The following ARHGAP35 variants were observed in gnomAD, a reference collection of about 807,000 sequenced individuals.
The protein encoded by ARHGAP35 is Rho GTPase activating protein 35, also known as rho GTPase-activating protein 35.
Under a neutral mutation model 111.1 loss-of-function variants are expected in ARHGAP35, and 15 were observed. The observed-to-expected ratio is 0.13, with a 90% CI of 0.09 to 0.21. The LOEUF (loss-of-function observed/expected upper bound fraction) is 0.21. Ranked by LOEUF, ARHGAP35 falls within the 10% of genes least tolerant of loss-of-function variation. The pLI is 1.00. For missense variants in ARHGAP35, 1,262 were observed against 1,873.0 expected (o/e 0.67, Z 6.02); for synonymous variants, 643 against 710.3 (o/e 0.91, Z 1.51).
intron 3 of ARHGAP35, among the ~76,000 whole-genome samples, chr19:46,987,227 T>C (rs1002651883): frequency 3.8e-4 from 56 of 146,838 alleles, no homozygotes; most frequent in South Asian, 6.6e-4. Flanking sequence ...TCTTTTTTTT[T>C]TTTTTTTTTG....
At chr19:46,913,538 A>G (rs2122184796) in intron 1 of ARHGAP35, among the ~76,000 whole-genome samples, 1 of 152,236 alleles carries the variant, frequency 6.6e-6, no homozygotes, top group South Asian at 2.1e-4. Flanking sequence ...AATCACAAAC[A>G]ACTCTAGATG....
chr19:46,963,246 G>A (rs2056495095), intron 3 of ARHGAP35, among the ~76,000 whole-genome samples: 1 of 152,056 alleles, frequency 6.6e-6, no homozygotes, highest in African/African-American at 2.4e-5. Flanking sequence ...CACTTCCTGT[G>A]GTCAAAAACT....
At chr19:46,927,244 C>G (rs548934006) in intron 2 of ARHGAP35, among the ~76,000 whole-genome samples, 49 of 152,296 alleles carry the variant, frequency 3.2e-4, no homozygotes, top group African/African-American at 1.2e-3. Context: ...TTGTTTTATG[C>G]CCAGCATTGT....
intron 1 of ARHGAP35, among the ~76,000 whole-genome samples, chr19:46,864,988 G>A (rs1003072122): frequency 6.6e-6 from 1 of 152,198 alleles, no homozygotes; most frequent in South Asian, 2.1e-4. Context: ...AAAAGCCTAA[G>A]TTTACATAAT....
intron 2 of ARHGAP35, among the ~76,000 whole-genome samples, chr19:46,923,685 G>A (rs2056220615): frequency 6.6e-6 from 1 of 151,726 alleles, no homozygotes; most frequent in Admixed American, 6.6e-5. Context: ...TTTGGAGGCC[G>A]AGGCGGGTGG....
intron 1 of ARHGAP35, among the ~76,000 whole-genome samples, chr19:46,880,721 G>A (rs375315566): frequency 2.0e-5 from 3 of 151,798 alleles, no homozygotes; most frequent in East Asian, 1.9e-4. Flanking sequence ...CTGTCACCCA[G>A]GCTGGAATGC....
At chr19:46,910,067 G>A (rs535665572) in intron 1 of ARHGAP35, among the ~76,000 whole-genome samples, 1 of 152,296 alleles carries the variant, frequency 6.6e-6, no homozygotes, top group East Asian at 1.9e-4. Flanking sequence ...TGTTGGGTGA[G>A]TAGTTAAGGT....
At chr19:46,872,656 G>A (rs1384050595) in intron 1 of ARHGAP35, among the ~76,000 whole-genome samples, 1 of 151,950 alleles carries the variant, frequency 6.6e-6, no homozygotes, top group Non-Finnish European at 1.5e-5. Context: ...CGAGGCGGGC[G>A]GATCACAAGG....
At chr19:46,889,750 CAAAAA>C (rs5828291) in intron 1 of ARHGAP35, among the ~76,000 whole-genome samples, 3 of 85,238 alleles carry the variant, frequency 3.5e-5, no homozygotes, top group African/African-American at 9.6e-5. Flanking sequence ...GACTCCGTCT[CAAAAA>C]AAAAAAAAAA....
intron 3 of ARHGAP35, among the ~76,000 whole-genome samples, chr19:46,941,290 T>G (rs1306289748): frequency 1.3e-5 from 2 of 152,138 alleles, no homozygotes; most frequent in Admixed American, 6.5e-5. Context: ...CTACTCCTAA[T>G]AGCACTTTGA....
chr19:46,936,599 T>C (rs1279432071), intron 2 of ARHGAP35, among the ~76,000 whole-genome samples: 2 of 152,286 alleles, frequency 1.3e-5, no homozygotes, highest in East Asian at 3.9e-4. Context: ...CTATTATCCT[T>C]GTAGGGTGTT....
intron 3 of ARHGAP35, among the ~76,000 whole-genome samples, chr19:46,962,915 C>A (rs2056493114): frequency 6.6e-6 from 1 of 152,072 alleles, no homozygotes; most frequent in Non-Finnish European, 1.5e-5. Flanking sequence ...CCGGCCTCAA[C>A]CTCTCATTCT....
chr19:46,915,247 C>G (rs952632147), intron 1 of ARHGAP35, among the ~76,000 whole-genome samples: 1 of 152,134 alleles, frequency 6.6e-6, no homozygotes, highest in African/African-American at 2.4e-5. Flanking sequence ...GTAGAGGATG[C>G]GAAAGGTTTG....
chr19:46,999,114 G>A lies in ARHGAP35; in HGVS notation c.4037-190G>A. On this transcript the variant is annotated intron_variant, in intron 5 of 6. Transcript: ENST00000672722. This position sits in a 1 kb window ranked among gnomAD's most constrained non-coding sequence, Gnocchi z 5.4. ...AGCGGGGGCCTGGGACACAGAGGTG[G>A]GCCAGACCCCTGGGCCAGTGCCACT... is the stretch of plus-strand genomic sequence containing the variant. 1 of 586,076 alleles carries A rather than the reference G, an allele frequency of 1.7e-6. No individual in the cohort carries two copies. Among genetic ancestry groups the A allele is most frequent in the Non-Finnish European group, 3.0e-6 (1 of 329,614 alleles). 36.3% of individuals were successfully genotyped at this position (586,076 alleles called of 1,614,324 possible).
At chr19:46,996,480 C>T (rs1028420978) in intron 5 of ARHGAP35, among the ~76,000 whole-genome samples, 2 of 152,048 alleles carry the variant, frequency 1.3e-5, no homozygotes, top group African/African-American at 2.4e-5. Flanking sequence ...CAAAACCACC[C>T]GCCTTGCTAC....
chr19:46,941,274 A>G (rs1368838823), intron 3 of ARHGAP35, among the ~76,000 whole-genome samples: 1 of 152,120 alleles, frequency 6.6e-6, no homozygotes, highest in Non-Finnish European at 1.5e-5. Context: ...ATTCTTCAAG[A>G]GACTCCTACT....
intron 3 of ARHGAP35, among the ~76,000 whole-genome samples, chr19:46,946,177 C>A (rs1383848468): frequency 6.6e-6 from 1 of 152,242 alleles, no homozygotes; most frequent in Non-Finnish European, 1.5e-5. Flanking sequence ...CTTTCTGTTC[C>A]ATACATGTTT....
At chr19:46,923,620 C>A (rs1168651827) in intron 2 of ARHGAP35, among the ~76,000 whole-genome samples, 2 of 151,172 alleles carry the variant, frequency 1.3e-5, no homozygotes, top group East Asian at 1.9e-4. Context: ...TTTAGAAATA[C>A]TGAAATACTC....
rs1568455396 is a variant in ARHGAP35, at chr19:46,861,082, C to CCCGCCGCCGGAGCCGCCG, written c.-307_-290dup. Among the ~76,000 whole-genome samples the CCCGCCGCCGGAGCCGCCG allele has an allele frequency of 6.7e-6, 1 of 148,500 alleles. No individual in the cohort carries two copies. Among genetic ancestry groups the CCCGCCGCCGGAGCCGCCG allele is most frequent in the African/African-American group, 2.6e-5 (1 of 38,820 alleles). On this transcript the variant is annotated 5_prime_UTR_variant, in exon 1 of 7. Coordinates refer to ENST00000672722, the MANE Select transcript of ARHGAP35 (RefSeq NM_004491.5). ...CCGCGAGGGAGGGTCCGCCCGGCCCCCCGCCGCCGGAGCCGCCGCCGCCGC... is the reference window on the plus strand; with the variant it reads ...CCGCGAGGGAGGGTCCGCCCGGCCCCCCGCCGCCGGAGCCGCCGCCGCCGCCGGAGCCGCCGCCGCCGC...
Sources: allele counts gnomAD v4.1 joint callset (sites outside exome capture counted in the v4.1 genomes callset), GRCh38; gene constraint gnomAD v4.1.1; non-coding constraint Gnocchi (gnomAD v3.1); transcripts MANE v1.5; gene names NCBI Gene and HGNC (gene_info 2026-07-23, HGNC 2026-07-21).